Variants in RIMS4 observed in about 807,000 individuals in gnomAD.
RIMS4 encodes the protein regulating synaptic membrane exocytosis protein 4.
A neutral mutation model predicts 29.0 loss-of-function variants in RIMS4; 9 were observed. The observed-to-expected ratio is 0.31, with a 90% CI of 0.19 to 0.54. The LOEUF is 0.54. RIMS4 is among the 20% of genes least tolerant of loss of function. The pLI, the probability that RIMS4 is intolerant of heterozygous loss-of-function variation, is 0.94. For missense variants in RIMS4, 193 were observed against 365.7 expected, an observed-to-expected ratio of 0.53 and a Z score of 3.85; for synonymous variants, 130 against 152.9, an observed-to-expected ratio of 0.85 and a Z score of 1.10.
intron 1 of RIMS4, among the ~76,000 whole-genome samples, chr20:44,790,268 C>T (rs952691883): frequency 3.9e-5 from 6 of 152,130 alleles, no homozygotes; most frequent in Non-Finnish European, 7.4e-5. Flanking sequence ...TTACAGGCCA[C>T]GGAGCCACTA....
At chr20:44,779,730 T>C (rs139436414) in intron 1 of RIMS4, among the ~76,000 whole-genome samples, 115 of 152,358 alleles carry the variant, frequency 7.5e-4, no homozygotes, top group African/African-American at 2.7e-3. Flanking sequence ...TGTCTTTTGG[T>C]GACCATTTCT....
chr20:44,761,627 C>T (rs564785929), intron 2 of RIMS4, among the ~76,000 whole-genome samples: 5 of 152,190 alleles, frequency 3.3e-5, no homozygotes, highest in African/African-American at 7.2e-5. Flanking sequence ...CTTGATGACG[C>T]ATCCGTTATT....
intron 2 of RIMS4, 55 bp downstream of exon 2, chr20:44,771,220 G>A (rs1270641859): frequency 2.9e-5 from 45 of 1,568,104 alleles, no homozygotes; most frequent in South Asian, 2.0e-4. Context: ...AGTCCCTCCC[G>A]TGCCCCACCA....
chr20:44,784,254 G>A (rs893590610), intron 1 of RIMS4, among the ~76,000 whole-genome samples: 1 of 152,214 alleles, frequency 6.6e-6, no homozygotes, highest in African/African-American at 2.4e-5. Context: ...GGGTACATGG[G>A]AAGCAGAGAT....
At position 44,758,202 on chromosome 20, in the gene RIMS4, G is replaced by A. The variant is rs1314970488; in HGVS notation, c.237-18C>T. ...AGTTAAGGCTGCAAGAGGAAAAGGT[G>A]AGACAAAGCACACATTCCCAGTGGT... On this transcript the variant is annotated intron_variant, in intron 2 of 5. Transcript: ENST00000372851. 6.4e-7 allele frequency: 1 copy of A among 1,570,058 alleles called. No individual in the cohort carries two copies. The highest frequency in any genetic ancestry group is 1.1e-5 in the South Asian group (1 of 88,136).
chr20:44,766,335 C>G (rs976198518), intron 2 of RIMS4, among the ~76,000 whole-genome samples: 1 of 152,080 alleles, frequency 6.6e-6, no homozygotes, highest in African/African-American at 2.4e-5. Context: ...AGGAATGAGT[C>G]AGAGGGTGAA....
At chr20:44,787,225 G>A (rs6130693) in intron 1 of RIMS4, among the ~76,000 whole-genome samples, 15,586 of 152,070 alleles carry the variant, frequency 0.1, 1,201 homozygotes, top group African/African-American at 0.21. Flanking sequence ...GGTTTGAGAT[G>A]ATGGGGCAGG....
intron 1 of RIMS4, among the ~76,000 whole-genome samples, chr20:44,776,143 C>T (rs2066159399): frequency 2.0e-5 from 3 of 152,016 alleles, no homozygotes; most frequent in Admixed American, 2.0e-4. Flanking sequence ...ATTAGCCGGG[C>T]ATGGTGGTGG....
At chr20:44,801,696 C>A (rs1324721592) in intron 1 of RIMS4, among the ~76,000 whole-genome samples, 1 of 152,144 alleles carries the variant, frequency 6.6e-6, no homozygotes, top group Non-Finnish European at 1.5e-5. Context: ...ACTCACTTAT[C>A]CTTTGTACAA....
At chr20:44,779,187 C>T (rs1028872144) in intron 1 of RIMS4, among the ~76,000 whole-genome samples, 10 of 152,176 alleles carry the variant, frequency 6.6e-5, no homozygotes, top group African/African-American at 1.4e-4. Context: ...ATCCTGCATA[C>T]AAAAGTCTTA....
intron 2 of RIMS4, among the ~76,000 whole-genome samples, chr20:44,762,270 G>A (rs1387998687): frequency 6.6e-6 from 1 of 152,180 alleles, no homozygotes; most frequent in Non-Finnish European, 1.5e-5. Context: ...AGAGGCCAGG[G>A]ACCAGTACCC....
chr20:44,773,601 C>T (rs899398811), intron 1 of RIMS4, among the ~76,000 whole-genome samples: 4 of 152,132 alleles, frequency 2.6e-5, no homozygotes, highest in African/African-American at 9.7e-5. Flanking sequence ...TGTTCAGGTG[C>T]CCCCACCCCG....
chr20:44,783,065 A>G (rs936592092), intron 1 of RIMS4, among the ~76,000 whole-genome samples: 1 of 152,240 alleles, frequency 6.6e-6, no homozygotes, highest in Non-Finnish European at 1.5e-5. Context: ...TGAGATAGAG[A>G]GTAGTGTCCC....
intron 1 of RIMS4, among the ~76,000 whole-genome samples, chr20:44,809,563 A>T (rs1477687117): frequency 6.6e-6 from 1 of 152,076 alleles, no homozygotes; most frequent in African/African-American, 2.4e-5. Flanking sequence ...CTCCGGGAAG[A>T]GAGGGGAGGA....
intron 1 of RIMS4, among the ~76,000 whole-genome samples, chr20:44,798,640 C>T (rs1304634070): frequency 6.6e-6 from 1 of 152,234 alleles, no homozygotes; most frequent in Non-Finnish European, 1.5e-5. Flanking sequence ...CTTTGGACAA[C>T]TGCCCTTAGC....
intron 1 of RIMS4, among the ~76,000 whole-genome samples, chr20:44,798,779 C>G (rs1375658942): frequency 6.6e-6 from 1 of 152,252 alleles, no homozygotes; most frequent in Non-Finnish European, 1.5e-5. Flanking sequence ...CTGAAGTTAG[C>G]CTGCAGCCAA....
At chr20:44,771,041 C>T (rs936835934) in intron 2 of RIMS4, among the ~76,000 whole-genome samples, 1 of 152,230 alleles carries the variant, frequency 6.6e-6, no homozygotes, top group African/African-American at 2.4e-5. Flanking sequence ...CAAGGTCACA[C>T]AGCAGGAAGG....
intron 2 of RIMS4, among the ~76,000 whole-genome samples, chr20:44,770,949 C>A (rs982010491): frequency 6.6e-6 from 1 of 152,186 alleles, no homozygotes; most frequent in Non-Finnish European, 1.5e-5. Flanking sequence ...TTGTAAACGT[C>A]TAATCCTCAT....
intron 1 of RIMS4, among the ~76,000 whole-genome samples, chr20:44,787,126 G>T (rs528726990): frequency 6.6e-6 from 1 of 152,130 alleles, no homozygotes; most frequent in Non-Finnish European, 1.5e-5. Context: ...GAACAGAAAC[G>T]TAAAGGCCCG....
Sources: gnomAD v4.1 joint callset for allele counts (sites outside exome capture counted in the v4.1 genomes callset) on GRCh38, gnomAD v4.1.1 for gene constraint, MANE v1.5 for transcripts, NCBI Gene and HGNC (gene_info 2026-07-23, HGNC 2026-07-21) for gene names.